Variants in ATP9B observed in about 807,000 individuals in gnomAD.
The protein encoded by ATP9B is probable phospholipid-transporting ATPase IIB.
Under a neutral mutation model 146.1 loss-of-function variants are expected in ATP9B, and 110 were observed. The observed-to-expected ratio is 0.75, with a 90% CI of 0.65 to 0.88. The LOEUF is 0.88. Among genes scored for constraint, ATP9B ranks in the 40% least tolerant of loss-of-function variants. The pLI, the probability that ATP9B is intolerant of heterozygous loss-of-function variation, is 0.00. For synonymous variants in ATP9B, 604 were observed against 569.7 expected, an observed-to-expected ratio of 1.06 and a Z score of -0.86; for missense variants, 1,499 against 1,496.4, an observed-to-expected ratio of 1.00 and a Z score of -0.03.
intron 7 of ATP9B, among the ~76,000 whole-genome samples, chr18:79,155,635 T>C (rs2094763442): frequency 6.6e-6 from 1 of 152,138 alleles, no homozygotes; most frequent in Admixed American, 6.5e-5. Context: ...TTATTTCTAA[T>C]GTGAAAACTG....
chr18:79,295,093 CACACAT>C (rs2096537983), intron 13 of ATP9B, among the ~76,000 whole-genome samples: 4 of 71,172 alleles, frequency 5.6e-5, no homozygotes, highest in South Asian at 1.7e-3. Context: ...AATGCAAGCA[CACACAT>C]ACACAGACAC....
chr18:79,347,615 A>T (rs2096897375), intron 23 of ATP9B, among the ~76,000 whole-genome samples, 155 bp from the exon 24 acceptor site: 1 of 152,232 alleles, frequency 6.6e-6, no homozygotes, highest in African/African-American at 2.4e-5. Context: ...CTGAGACCAT[A>T]GGACCTGTCC....
chr18:79,080,995 T>C (rs545401024), intron 1 of ATP9B, among the ~76,000 whole-genome samples: 1 of 152,326 alleles, frequency 6.6e-6, no homozygotes, highest in Admixed American at 6.5e-5. Flanking sequence ...GATAAGCTTT[T>C]TGATGTGCTG....
intron 12 of ATP9B, among the ~76,000 whole-genome samples, chr18:79,260,395 C>T (rs1174375908): frequency 2.0e-5 from 3 of 152,190 alleles, no homozygotes; most frequent in African/African-American, 4.8e-5. Context: ...CCATCTCCCT[C>T]TACACACGGG....
At chr18:79,351,910 C>G (rs761116521) in intron 25 of ATP9B, among the ~76,000 whole-genome samples, 20 of 152,132 alleles carry the variant, frequency 1.3e-4, no homozygotes, top group African/African-American at 4.8e-4. Flanking sequence ...CCACTCTGCC[C>G]TTGCCCCCCA....
chr18:79,094,344 C>T (rs960145351), intron 1 of ATP9B, among the ~76,000 whole-genome samples: 1 of 152,322 alleles, frequency 6.6e-6, no homozygotes, highest in African/African-American at 2.4e-5. Context: ...TATCCCATGT[C>T]TCCAATTTCC....
At position 79,319,767 on chromosome 18, in the gene ATP9B, A is replaced by G. The variant is rs554118338; in HGVS notation, c.1774-9374A>G. On this transcript the variant is annotated intron_variant, in intron 15 of 29. Transcript: ENST00000426216. ...AACTGATTGTAGAGGTGATGCATGT[A>G]TGTGATTCTCCATGTAAATAAATCT... is the stretch of plus-strand genomic sequence containing the variant. Among the ~76,000 whole-genome samples, 4 of 152,332 alleles carry G rather than the reference A, an allele frequency of 2.6e-5. No homozygotes were observed. The South Asian group carries it at 8.3e-4, about 32-fold the overall frequency.
At position 79,144,040 on chromosome 18, in the gene ATP9B, G is replaced by A. The variant is rs150073294; in HGVS notation, c.726+180G>A. The A allele has an allele frequency of 1.7e-4, 76 of 434,982 alleles. 1 individual carries two copies. The highest frequency in any genetic ancestry group is 1.4e-3 in the African/African-American group (68 of 49,040). 26.9% of individuals were successfully genotyped at this position (434,982 alleles called of 1,614,324 possible). On this transcript the variant is annotated intron_variant, in intron 6 of 29. Coordinates refer to ENST00000426216, the MANE Select transcript of ATP9B (RefSeq NM_198531.5). Reference sequence around the variant, plus strand: ...GATTTTTGTATATTGTTTTGCTAAAGTATATTTCAGTGTGTGCAGGCAAAG... The same window carrying A: ...GATTTTTGTATATTGTTTTGCTAAAATATATTTCAGTGTGTGCAGGCAAAG...
At chr18:79,369,305 C>T (rs1042229679) in intron 26 of ATP9B, among the ~76,000 whole-genome samples, 2 of 151,526 alleles carry the variant, frequency 1.3e-5, no homozygotes, top group Non-Finnish European at 2.9e-5. Flanking sequence ...GAGGCCGAGG[C>T]GGGCGGGTCA....
chr18:79,305,702 T>A (rs2096616948), intron 14 of ATP9B, among the ~76,000 whole-genome samples: 1 of 152,234 alleles, frequency 6.6e-6, no homozygotes, highest in Non-Finnish European at 1.5e-5. Flanking sequence ...ATAAACACAG[T>A]AAATGTTTAT....
At position 79,303,661 on chromosome 18, in the gene ATP9B, A is replaced by G. The variant is rs748368274; in HGVS notation, c.1469A>G (p.Tyr490Cys). The G allele has an allele frequency of 1.2e-6, 2 of 1,614,064 alleles. No individual in the cohort carries two copies. Among genetic ancestry groups the G allele is most frequent in the South Asian group, 1.1e-5 (1 of 91,068 alleles). Residue 490 changes from tyrosine to cysteine, a missense_variant, in exon 14 of 30, where the codon TAT becomes TGT. Tyr to Cys is a radical substitution (Grantham distance 194, BLOSUM62 -2). Coordinates refer to ENST00000426216, the MANE Select transcript of ATP9B (RefSeq NM_198531.5). Reference protein sequence around the residue: ...FKRLHLGTVSYGADTMDEIQS... With the variant: ...FKRLHLGTVSCGADTMDEIQS... ...CGGCTGCACCTGGGCACCGTGTCCT[A>G]TGGCGCCGACACGATGGATGAGATC...
chr18:79,317,812 C>T (rs1400558504), intron 15 of ATP9B, among the ~76,000 whole-genome samples: 1 of 152,176 alleles, frequency 6.6e-6, no homozygotes, highest in Non-Finnish European at 1.5e-5. Flanking sequence ...CACAGGGCTC[C>T]TTGCAGAAAT....
chr18:79,333,190 G>A (rs557884422), intron 17 of ATP9B, among the ~76,000 whole-genome samples: 28 of 152,246 alleles, frequency 1.8e-4, no homozygotes, highest in African/African-American at 5.3e-4. Context: ...GGCTGTGCCC[G>A]GGTGGTTTCT....
At chr18:79,257,877 G>A (rs933034626) in intron 12 of ATP9B, among the ~76,000 whole-genome samples, 2 of 152,112 alleles carry the variant, frequency 1.3e-5, no homozygotes, top group East Asian at 1.9e-4. Flanking sequence ...CTTTCACCAC[G>A]TAAAAGGCCT....
intron 15 of ATP9B, among the ~76,000 whole-genome samples, chr18:79,327,627 G>A (rs1291696601): frequency 3.5e-5 from 5 of 141,068 alleles, no homozygotes; most frequent in African/African-American, 8.2e-5. Flanking sequence ...TCCCTGGTTA[G>A]TGTGCCCTCC....
At chr18:79,232,325 C>T (rs1274674828) in intron 11 of ATP9B, among the ~76,000 whole-genome samples, 1 of 152,198 alleles carries the variant, frequency 6.6e-6, no homozygotes, top group Admixed American at 6.5e-5. Flanking sequence ...TGTCTGCACA[C>T]CATCAGGGCT....
intron 27 of ATP9B, 113 bp from the exon 28 acceptor site, chr18:79,373,784 TG>T: frequency 1.9e-6 from 2 of 1,076,722 alleles, no homozygotes; most frequent in Non-Finnish European, 2.7e-6. Flanking sequence ...CTGCTGCGCC[TG>T]GCCTATCCCC....
At chr18:79,109,263 A>G (rs632995) in intron 2 of ATP9B, among the ~76,000 whole-genome samples, 3 of 152,044 alleles carry the variant, frequency 2.0e-5, no homozygotes, top group Non-Finnish European at 4.4e-5. Context: ...AAATTTTAAT[A>G]CTGAAGTTTA....
At chr18:79,200,574 C>G (rs2095460174) in intron 9 of ATP9B, among the ~76,000 whole-genome samples, 1 of 152,150 alleles carries the variant, frequency 6.6e-6, no homozygotes, top group South Asian at 2.1e-4. Context: ...AAAAAAAAGG[C>G]AACTCATAAA....
Sources: gnomAD v4.1 joint callset for allele counts (sites outside exome capture counted in the v4.1 genomes callset) on GRCh38, gnomAD v4.1.1 for gene constraint, MANE v1.5 for transcripts, NCBI Gene and HGNC (gene_info 2026-07-23, HGNC 2026-07-21) for gene names.